Variants in ATRNL1 observed in about 807,000 individuals in gnomAD.
ATRNL1 encodes the protein attractin-like protein 1.
Under a neutral mutation model 182.7 loss-of-function variants are expected in ATRNL1, and 95 were observed. The observed-to-expected ratio is 0.52, with a 90% confidence interval of 0.44 to 0.62. ATRNL1 has a LOEUF of 0.62. ATRNL1 is among the 20% of genes least tolerant of loss of function. ATRNL1 has a pLI of 0.00. For synonymous variants in ATRNL1, 576 were observed against 568.3 expected (o/e 1.01, Z -0.19); for missense variants, 1,471 against 1,679.5 (o/e 0.88, Z 2.17).
chr10:115,806,791 T>C (rs1173522294), intron 27 of ATRNL1, among the ~76,000 whole-genome samples: 2 of 152,146 alleles, frequency 1.3e-5, no homozygotes, highest in Non-Finnish European at 2.9e-5. Context: ...TGTACCTCTT[T>C]ATGTTTAAGA....
At chr10:115,480,524 GT>G (rs1554973956) in intron 24 of ATRNL1, among the ~76,000 whole-genome samples, 1 of 150,976 alleles carries the variant, frequency 6.6e-6, no homozygotes, top group African/African-American at 2.4e-5. Context: ...TCAAAAGGTA[GT>G]ATTAGAAATT....
chr10:115,375,342 C>G (rs142112630), intron 19 of ATRNL1, among the ~76,000 whole-genome samples: 1 of 151,886 alleles, frequency 6.6e-6, no homozygotes, highest in Non-Finnish European at 1.5e-5. Context: ...CATCCCTTCA[C>G]TTTCTATGTA....
At chr10:115,661,073 G>A (rs1235616197) in intron 26 of ATRNL1, among the ~76,000 whole-genome samples, 1 of 152,012 alleles carries the variant, frequency 6.6e-6, no homozygotes, top group Non-Finnish European at 1.5e-5. Flanking sequence ...AAAAGGCAAA[G>A]ACTATATTTT....
intron 26 of ATRNL1, among the ~76,000 whole-genome samples, chr10:115,634,927 T>TA (rs1555027498): frequency 6.6e-6 from 1 of 152,048 alleles, no homozygotes; most frequent in Non-Finnish European, 1.5e-5. Context: ...AAAAGGGCCT[T>TA]AGGGCCTAGA....
intron 24 of ATRNL1, among the ~76,000 whole-genome samples, chr10:115,483,209 A>G (rs1435203996): frequency 4.0e-5 from 6 of 151,376 alleles, no homozygotes; most frequent in African/African-American, 1.4e-4. Flanking sequence ...TAGTTCCATC[A>G]TTTATTTCAT....
chr10:115,944,091 A>G (rs540429216), intron 28 of ATRNL1, among the ~76,000 whole-genome samples: 1 of 151,938 alleles, frequency 6.6e-6, no homozygotes, highest in African/African-American at 2.4e-5. Context: ...ACTATTTTGT[A>G]TGATACTGTA....
At chr10:115,677,590 C>T (rs2133942578) in intron 26 of ATRNL1, among the ~76,000 whole-genome samples, 1 of 152,184 alleles carries the variant, frequency 6.6e-6, no homozygotes, top group Admixed American at 6.5e-5. Context: ...GCTTCTTCCT[C>T]ATTTTTCTTT....
At chr10:115,782,478 C>T (rs1949287962) in intron 27 of ATRNL1, among the ~76,000 whole-genome samples, 1 of 152,154 alleles carries the variant, frequency 6.6e-6, no homozygotes, top group Non-Finnish European at 1.5e-5. Flanking sequence ...TGTTAAGCCT[C>T]CTCATTTTGT....
At chr10:115,720,426 A>G (rs1947387072) in intron 26 of ATRNL1, among the ~76,000 whole-genome samples, 1 of 150,618 alleles carries the variant, frequency 6.6e-6, no homozygotes, top group East Asian at 1.9e-4. Context: ...TAAAAGGACC[A>G]TACTTGTAAA....
chr10:115,361,176 C>A (rs980455503), intron 19 of ATRNL1, among the ~76,000 whole-genome samples: 2 of 151,954 alleles, frequency 1.3e-5, no homozygotes, highest in Non-Finnish European at 2.9e-5. Flanking sequence ...ATTGATAGTT[C>A]TTCTGTAATC....
At chr10:115,228,017 C>T (rs781910622) in intron 9 of ATRNL1, among the ~76,000 whole-genome samples, 13 of 151,936 alleles carry the variant, frequency 8.6e-5, no homozygotes, top group Non-Finnish European at 1.9e-4. Context: ...GAACTATACA[C>T]TTAAGATTTT....
chr10:115,172,057 T>C (rs782074756), intron 8 of ATRNL1, among the ~76,000 whole-genome samples: 2 of 152,060 alleles, frequency 1.3e-5, no homozygotes, highest in African/African-American at 2.4e-5. Flanking sequence ...TTAGAGTCCT[T>C]GTGCAGTCTT....
At chr10:115,380,086 T>C (rs2134228470) in intron 19 of ATRNL1, among the ~76,000 whole-genome samples, 1 of 152,308 alleles carries the variant, frequency 6.6e-6, no homozygotes, top group South Asian at 2.1e-4. Flanking sequence ...CGCCTCAGCC[T>C]CCCAAAGTGC....
chr10:115,178,624 G>A (rs1264761), intron 8 of ATRNL1, among the ~76,000 whole-genome samples: 1 of 152,054 alleles, frequency 6.6e-6, no homozygotes, highest in Admixed American at 6.6e-5. Flanking sequence ...GGCTTTTTGG[G>A]GTGTGATTAA....
chr10:115,944,772 G>T lies in ATRNL1; in HGVS notation c.4133G>T (p.Cys1378Phe), dbSNP rs782481113. Residue 1378 changes from cysteine to phenylalanine, a missense_variant, in exon 29 of 29, where the codon TGT becomes TTT. Cys to Phe is a radical substitution (Grantham distance 205, BLOSUM62 -2). Transcript: ENST00000355044. ...CACCTTTCAACACGTCAAGGAACTTGTGTCTGAGAAATGGAAACCGCTCCT... is the reference window on the plus strand; with the variant it reads ...CACCTTTCAACACGTCAAGGAACTTTTGTCTGAGAAATGGAAACCGCTCCT... Reference protein sequence around the residue: ...RKHLSTRQGTCV With the variant: ...RKHLSTRQGTFV 1 of 1,612,996 alleles carries T rather than the reference G, an allele frequency of 6.2e-7. No homozygotes were observed. Among genetic ancestry groups the T allele is most frequent in the Non-Finnish European group, 8.5e-7 (1 of 1,179,410 alleles).
intron 26 of ATRNL1, among the ~76,000 whole-genome samples, chr10:115,668,825 A>ATTTTC (rs1945596890): frequency 6.6e-6 from 1 of 152,154 alleles, no homozygotes; most frequent in Non-Finnish European, 1.5e-5. Context: ...ACTTATTAAT[A>ATTTTC]AATTAATGAG....
At chr10:115,158,866 A>G (rs1336148861) in intron 5 of ATRNL1, among the ~76,000 whole-genome samples, 3 of 151,982 alleles carry the variant, frequency 2.0e-5, no homozygotes, top group Non-Finnish European at 2.9e-5. Flanking sequence ...GGGATTAAGT[A>G]GTATCCCTTT....
rs201252420 is a variant in ATRNL1, at chr10:115,637,990, TTTTTATAAAGTC to T, written c.3795+88468_3795+88479del. ...AGTGTGACCTACTTATACTATACAG[TTTTTATAAAGTC>T]TTTTATAAAGTCTACTATACAGTTT... On this transcript the variant is annotated intron_variant, in intron 26 of 28. Coordinates refer to ENST00000355044, the MANE Select transcript of ATRNL1 (RefSeq NM_207303.4). Among the ~76,000 whole-genome samples the T allele has an allele frequency of 7.2e-3, 1,090 of 152,216 alleles. 12 individuals carry two copies. The highest frequency in any genetic ancestry group is 0.025 in the African/African-American group (1,036 of 41,538).
At chr10:115,268,110 T>C (rs1186153167) in intron 12 of ATRNL1, among the ~76,000 whole-genome samples, 2 of 152,032 alleles carry the variant, frequency 1.3e-5, no homozygotes, top group Admixed American at 6.6e-5. Flanking sequence ...TATTGAATAA[T>C]TAAAATGGGG....
Sources: gnomAD v4.1 joint callset for allele counts (sites outside exome capture counted in the v4.1 genomes callset) on GRCh38, gnomAD v4.1.1 for gene constraint, MANE v1.5 for transcripts, NCBI Gene and HGNC (gene_info 2026-07-23, HGNC 2026-07-21) for gene names.